Variants in NET1 observed in about 807,000 individuals in gnomAD.
NET1 encodes neuroepithelial cell transforming 1, also known as neuroepithelial cell-transforming gene 1 protein.
A neutral mutation model predicts 61.1 loss-of-function variants in NET1; 42 were observed. That is an observed-to-expected ratio of 0.69 (90% CI 0.54 to 0.89). The LOEUF (loss-of-function observed/expected upper bound fraction) is 0.89, where lower values mean the gene tolerates loss of function less well. NET1 is among the 40% of genes least tolerant of loss of function. NET1 has a pLI of 0.00. For missense variants in NET1, 654 were observed against 747.3 expected (o/e 0.88, Z 1.46); for synonymous variants, 254 against 281.8 (o/e 0.90, Z 0.99).
At chr10:5,445,761 G>T (rs1025080666) in intron 3 of NET1, among the ~76,000 whole-genome samples, 1 of 152,278 alleles carries the variant, frequency 6.6e-6, no homozygotes. Context: ...CTTCACCTCT[G>T]TTAGCCTCAT....
In NET1 at chr10:5,452,123, T is replaced by G. The variant is rs1332231794; in HGVS notation, c.363+186T>G. 6.6e-6 allele frequency among the ~76,000 whole-genome samples: 1 copy of G among 152,198 alleles called. No individual in the cohort carries two copies. Among genetic ancestry groups the G allele is most frequent in the African/African-American group, 2.4e-5 (1 of 41,426 alleles). On this transcript the variant is annotated intron_variant, in intron 4 of 11. Coordinates refer to ENST00000355029, the MANE Select transcript of NET1 (RefSeq NM_001047160.3). The surrounding 1 kb of genome is among the most constrained non-coding windows in gnomAD (Gnocchi z 4.0). ...TAGCCTCATTATATTAATTTGCATC[T>G]TATATTAATTTGCATCTTATAATGC...
At position 5,453,746 on chromosome 10, in the gene NET1, C is replaced by A. The variant is rs1272465976; in HGVS notation, c.768+186C>A. On this transcript the variant is annotated intron_variant, in intron 8 of 11. Coordinates refer to ENST00000355029, the MANE Select transcript of NET1 (RefSeq NM_001047160.3). This position sits in a 1 kb window ranked among gnomAD's most constrained non-coding sequence, Gnocchi z 4.9. ...GTTTAAAAAAAAAAAAAAACACCTTCATTAATGCTATAGGTTCATTTGTGT... is the reference window on the plus strand; with the variant it reads ...GTTTAAAAAAAAAAAAAAACACCTTAATTAATGCTATAGGTTCATTTGTGT... Among the ~76,000 whole-genome samples the A allele has an allele frequency of 1.3e-5, 2 of 151,976 alleles. No individual in the cohort carries two copies. Among genetic ancestry groups the A allele is most frequent in the African/African-American group, 2.4e-5 (1 of 41,392 alleles).
rs12572605 is a variant in NET1 at position 5,423,631 on chromosome 10, T to C, written c.129-3024T>C. On this transcript the variant is annotated intron_variant, in intron 1 of 11. Transcript: ENST00000355029. The surrounding 1 kb of genome is among the most constrained non-coding windows in gnomAD (Gnocchi z 4.4). ...CATTGGATATATGGACAAAAATTCT[T>C]GAAAAGGTGGACTGCCACTTTTCGC... 0.25 allele frequency among the ~76,000 whole-genome samples: 37,581 copies of C among 152,136 alleles called. 4,921 individuals are homozygous for C. Among genetic ancestry groups the C allele is most frequent in the Non-Finnish European group, 0.29 (19,393 of 67,974 alleles).
In NET1 at chr10:5,439,040, C is replaced by G. The variant is rs540648332; in HGVS notation, c.255+9811C>G. 1.2e-4 allele frequency among the ~76,000 whole-genome samples: 18 copies of G among 152,342 alleles called. 1 individual carries two copies. Among genetic ancestry groups the G allele is most frequent in the African/African-American group, 3.8e-4 (16 of 41,582 alleles). ...GCTCCTTCCACTTTGTGGCCATTCT[C>G]ATAGGCCCATCCATATGCCTCTTCT... is the stretch of plus-strand genomic sequence containing the variant. On this transcript the variant is annotated intron_variant, in intron 3 of 11. Transcript: ENST00000355029. This position sits in a 1 kb window ranked among gnomAD's most constrained non-coding sequence, Gnocchi z 4.8.
chr10:5,454,856 T>G lies in NET1; in HGVS notation c.1027-92T>G. ...TCTAGAGTCCCTTCAAGCTTTAAAG[T>G]TCTTCCATTCCATATGACATTTTTG... On this transcript the variant is annotated intron_variant, in intron 9 of 11. Coordinates refer to ENST00000355029, the MANE Select transcript of NET1 (RefSeq NM_001047160.3). The surrounding 1 kb of genome is among the most constrained non-coding windows in gnomAD (Gnocchi z 8.1). 8.1e-7 allele frequency: 1 copy of G among 1,233,156 alleles called. No homozygotes were observed. The highest frequency in any genetic ancestry group is 1.2e-6 in the Non-Finnish European group (1 of 863,156). The allele number at this position is 1,233,156 out of a possible 1,614,324, so 76.4% of individuals were successfully genotyped here.
chr10:5,431,690 T>C lies in NET1; in HGVS notation c.255+2461T>C, dbSNP rs987078044. On this transcript the variant is annotated intron_variant, in intron 3 of 11. Transcript: ENST00000355029. This position sits in a 1 kb window ranked among gnomAD's most constrained non-coding sequence, Gnocchi z 4.9. ...TCTATTCATTAGCATTCTCTGAAAG[T>C]AAGTAATGATTTTTTTTTCTCCTTA... Among the ~76,000 whole-genome samples, 5 of 152,334 alleles carry C rather than the reference T, an allele frequency of 3.3e-5. No individual in the cohort carries two copies. Among genetic ancestry groups the C allele is most frequent in the African/African-American group, 1.2e-4 (5 of 41,582 alleles).
In NET1 at chr10:5,456,106, T is replaced by A; in HGVS notation, c.1217T>A (p.Phe406Tyr). 2 of 1,612,108 alleles carry A rather than the reference T, an allele frequency of 1.2e-6. No homozygotes were observed. The highest frequency in any genetic ancestry group is 1.7e-6 in the Non-Finnish European group (2 of 1,179,390). Residue 406 changes from phenylalanine to tyrosine, a missense_variant, in exon 11 of 12, where the codon TTT becomes TAT. Physicochemically the swap from Phe to Tyr is conservative, Grantham distance 22 (BLOSUM62 3). Coordinates refer to ENST00000355029, the MANE Select transcript of NET1 (RefSeq NM_001047160.3). The surrounding 1 kb of genome is among the most constrained non-coding windows in gnomAD (Gnocchi z 7.0). The stretch of plus-strand genomic sequence containing the variant: ...CTCCAGAAACTTTACATTTTCCTGT[T>A]TCAAGACATCTTGGTTCTGACTCGG... ...KSGHKLYIFL[F>Y]QDILVLTRPV...
In NET1 at chr10:5,424,723, A is replaced by G. The variant is rs954878784; in HGVS notation, c.129-1932A>G. Among the ~76,000 whole-genome samples, 22 of 152,136 alleles carry G rather than the reference A, an allele frequency of 1.4e-4. No homozygotes were observed. Among genetic ancestry groups the G allele is most frequent in the African/African-American group, 5.1e-4 (21 of 41,436 alleles). ...TAAATATCTTAAGATCTTTGCATCT[A>G]ATTTCTGTTAGTGGCATCATATTTT... On this transcript the variant is annotated intron_variant, in intron 1 of 11. Coordinates refer to ENST00000355029, the MANE Select transcript of NET1 (RefSeq NM_001047160.3). The surrounding 1 kb of genome is among the most constrained non-coding windows in gnomAD (Gnocchi z 6.1).
At position 5,412,880 on chromosome 10, in the gene NET1, A is replaced by C; in HGVS notation, c.128+60A>C. On this transcript the variant is annotated intron_variant, in intron 1 of 11. Coordinates refer to ENST00000355029, the MANE Select transcript of NET1 (RefSeq NM_001047160.3). This position sits in a 1 kb window ranked among gnomAD's most constrained non-coding sequence, Gnocchi z 6.5. Reference sequence around the variant, plus strand: ...TGAGTGTAGGGGAGCGGAGGGCCGAACGGGAGGTGAGTGTTGGAGAGGCAA... The same window carrying C: ...TGAGTGTAGGGGAGCGGAGGGCCGACCGGGAGGTGAGTGTTGGAGAGGCAA... The C allele has an allele frequency of 1.1e-5, 10 of 934,936 alleles. No homozygotes were observed. Among genetic ancestry groups the C allele is most frequent in the Non-Finnish European group, 9.2e-6 (7 of 759,206 alleles). The allele number at this position is 934,936 out of a possible 1,614,324, so 57.9% of individuals were successfully genotyped here.
rs546539292 is a variant in NET1, at chr10:5,454,696, G to A, written c.1026+174G>A. Among the ~76,000 whole-genome samples the A allele has an allele frequency of 2.6e-5, 4 of 152,318 alleles. No homozygotes were observed. The East Asian group carries it at 7.7e-4, about 29-fold the overall frequency. ...AAGCAATAAGGAGCTGTGTATGCTG[G>A]ACTTCGCACATTTTGTATCTTAAGG... On this transcript the variant is annotated intron_variant, in intron 9 of 11. Transcript: ENST00000355029. This position sits in a 1 kb window ranked among gnomAD's most constrained non-coding sequence, Gnocchi z 8.1.
In NET1 at chr10:5,428,230, A is replaced by G. The variant is rs114477477; in HGVS notation, c.196-940A>G. 5.7e-3 allele frequency among the ~76,000 whole-genome samples: 872 copies of G among 152,226 alleles called. 10 individuals are homozygous for G. The highest frequency in any genetic ancestry group is 0.02 in the African/African-American group (846 of 41,534). ...TGAAAAGTTATTTTGAGATGTGGGA[A>G]AATGAAGTGTTACCCGTGGGTGCTT... On this transcript the variant is annotated intron_variant, in intron 2 of 11. Coordinates refer to ENST00000355029, the MANE Select transcript of NET1 (RefSeq NM_001047160.3).
Position 5,456,994 on chromosome 10 carries a change from G to GAGAA in NET1, c.*1_*4dup, listed in dbSNP as rs767607431. 5.4e-5 allele frequency: 84 copies of GAGAA among 1,545,592 alleles called. No individual in the cohort carries two copies. The highest frequency in any genetic ancestry group is 8.8e-5 in the South Asian group (7 of 79,744). ...GCAAACGGAAAGAGACTTTGGTGTA[G>GAGAA]AGAAGGCTCTGTGTGTTAACTGATG... On this transcript the variant is annotated 3_prime_UTR_variant, in exon 12 of 12. Transcript: ENST00000355029. This position sits in a 1 kb window ranked among gnomAD's most constrained non-coding sequence, Gnocchi z 7.0.
At chr10:5,448,713 C>T (rs747771945) in intron 3 of NET1, among the ~76,000 whole-genome samples, 22 of 96,162 alleles carry the variant, frequency 2.3e-4, no homozygotes, top group Non-Finnish European at 3.9e-4. Context: ...TTCCAGTATT[C>T]GTATCTGTTC....
In NET1 at chr10:5,426,654, G is replaced by T; in HGVS notation, c.129-1G>T. The T allele has an allele frequency of 5.6e-6, 9 of 1,603,160 alleles. No individual in the cohort carries two copies. The highest frequency in any genetic ancestry group is 6.0e-6 in the Non-Finnish European group (7 of 1,174,698). On this transcript the variant is annotated splice_acceptor_variant, in intron 1 of 11. Coordinates refer to ENST00000355029, the MANE Select transcript of NET1 (RefSeq NM_001047160.3). LOFTEE classifies it high-confidence loss of function. This position sits in a 1 kb window ranked among gnomAD's most constrained non-coding sequence, Gnocchi z 4.6. ...TTATTGTTTGAATTTTCCATTAATA[G>T]ATGTTCCCTTCGGAGAGGCAGCTCC...
rs1564469163 is a variant in NET1 at position 5,454,620 on chromosome 10, G to C, written c.1026+98G>C. The C allele has an allele frequency of 1.4e-6, 2 of 1,389,472 alleles. No individual in the cohort carries two copies. Among genetic ancestry groups the C allele is most frequent in the Non-Finnish European group, 2.0e-6 (2 of 1,021,000 alleles). 86.1% of individuals were successfully genotyped at this position (1,389,472 alleles called of 1,614,324 possible). A position where few individuals can be genotyped will look rare whatever the true frequency, so the allele number is the denominator to read the frequency against. The stretch of plus-strand genomic sequence containing the variant: ...GAAGATGCTGATTCACATCAGCATA[G>C]TGAATTGTTTTGTTGTTTTAAGTAC... On this transcript the variant is annotated intron_variant, in intron 9 of 11. Transcript: ENST00000355029. The surrounding 1 kb of genome is among the most constrained non-coding windows in gnomAD (Gnocchi z 8.1).
At position 5,449,787 on chromosome 10, in the gene NET1, T is replaced by C. The variant is rs1832675957; in HGVS notation, c.256-2043T>C. ...TCCTGCTAACAAAATTTTCCTTTCA[T>C]ATTCACTGGGAAAAGCACCTTTCCA... On this transcript the variant is annotated intron_variant, in intron 3 of 11. Coordinates refer to ENST00000355029, the MANE Select transcript of NET1 (RefSeq NM_001047160.3). This position sits in a 1 kb window ranked among gnomAD's most constrained non-coding sequence, Gnocchi z 4.4. Among the ~76,000 whole-genome samples, 1 of 152,236 alleles carries C rather than the reference T, an allele frequency of 6.6e-6. No individual in the cohort carries two copies. The highest frequency in any genetic ancestry group is 2.1e-4 in the South Asian group (1 of 4,836).
Position 5,422,274 on chromosome 10 carries a change from T to C in NET1, c.129-4381T>C, listed in dbSNP as rs1013947880. Among the ~76,000 whole-genome samples, 2 of 151,148 alleles carry C rather than the reference T, an allele frequency of 1.3e-5. No homozygotes were observed. The highest frequency in any genetic ancestry group is 6.6e-5 in the Admixed American group (1 of 15,190). ...ATCGCTTGAACCCTGGAGGCGGAGG[T>C]TGTAGTGAGCCGAGATCGTACCACT... is the stretch of plus-strand genomic sequence containing the variant. On this transcript the variant is annotated intron_variant, in intron 1 of 11. Coordinates refer to ENST00000355029, the MANE Select transcript of NET1 (RefSeq NM_001047160.3). This position sits in a 1 kb window ranked among gnomAD's most constrained non-coding sequence, Gnocchi z 4.1.
chr10:5,420,761 A>G lies in NET1; in HGVS notation c.129-5894A>G, dbSNP rs1442901850. 6.6e-6 allele frequency among the ~76,000 whole-genome samples: 1 copy of G among 151,838 alleles called. No individual in the cohort carries two copies. The highest frequency in any genetic ancestry group is 1.5e-5 in the Non-Finnish European group (1 of 67,956). On this transcript the variant is annotated intron_variant, in intron 1 of 11. Transcript: ENST00000355029. The surrounding 1 kb of genome is among the most constrained non-coding windows in gnomAD (Gnocchi z 5.3). ...CAGGCAAGCGCCACCACGCCCAGCT[A>G]ATTTTTGTATTTTTAGTAGAGACGG...
rs1832187460 is a variant in NET1, at chr10:5,422,282, A to T, written c.129-4373A>T. Among the ~76,000 whole-genome samples, 1 of 151,918 alleles carries T rather than the reference A, an allele frequency of 6.6e-6. No individual in the cohort carries two copies. Among genetic ancestry groups the T allele is most frequent in the South Asian group, 2.1e-4 (1 of 4,810 alleles). On this transcript the variant is annotated intron_variant, in intron 1 of 11. Coordinates refer to ENST00000355029, the MANE Select transcript of NET1 (RefSeq NM_001047160.3). This position sits in a 1 kb window ranked among gnomAD's most constrained non-coding sequence, Gnocchi z 4.1. Reference sequence around the variant, plus strand: ...AACCCTGGAGGCGGAGGTTGTAGTGAGCCGAGATCGTACCACTGCACTCCA... The same window carrying T: ...AACCCTGGAGGCGGAGGTTGTAGTGTGCCGAGATCGTACCACTGCACTCCA...
Sources: gnomAD v4.1 joint callset for allele counts (sites outside exome capture counted in the v4.1 genomes callset) on GRCh38, gnomAD v4.1.1 for gene constraint, Gnocchi (gnomAD v3.1) non-coding constraint, MANE v1.5 for transcripts, NCBI Gene and HGNC (gene_info 2026-07-23, HGNC 2026-07-21) for gene names.